The following PRKN variants were observed in gnomAD, a reference collection of about 807,000 sequenced individuals.
PRKN encodes E3 ubiquitin-protein ligase parkin.
In PRKN, 56 loss-of-function variants were observed where a neutral mutation model predicts 59.5. That is an observed-to-expected ratio of 0.94 (90% CI 0.76 to 1.18). The LOEUF (loss-of-function observed/expected upper bound fraction) is 1.18. Ranked by LOEUF, PRKN falls within the 50% of genes most tolerant of loss-of-function variation. The pLI is 0.00. For missense variants in PRKN, 657 were observed against 596.4 expected (o/e 1.10, Z -1.06); for synonymous variants, 250 against 222.1 (o/e 1.13, Z -1.12).
chr6:162,329,509 G>T (rs549933140), intron 2 of PRKN, among the ~76,000 whole-genome samples: 2 of 152,130 alleles, frequency 1.3e-5, no homozygotes, highest in Non-Finnish European at 2.9e-5. Context: ...TGAGCATCAG[G>T]TCTGGCCTTG....
intron 6 of PRKN, among the ~76,000 whole-genome samples, chr6:161,963,232 C>A (rs745796800): frequency 1.3e-5 from 2 of 152,178 alleles, no homozygotes; most frequent in Non-Finnish European, 1.5e-5. Context: ...AGTTACAACA[C>A]GCAAGGTTGA....
intron 8 of PRKN, among the ~76,000 whole-genome samples, chr6:161,568,441 A>T (rs1200223732): frequency 2.0e-5 from 3 of 152,114 alleles, no homozygotes; most frequent in African/African-American, 7.2e-5. Context: ...AAAATATAAA[A>T]AATTAGCTGG....
chr6:162,159,130 A>G (rs1782650543), intron 4 of PRKN, among the ~76,000 whole-genome samples: 2 of 151,810 alleles, frequency 1.3e-5, no homozygotes, highest in Admixed American at 6.5e-5. Flanking sequence ...TGATTTGCTT[A>G]CCTTTAGGCC....
intron 3 of PRKN, among the ~76,000 whole-genome samples, chr6:162,256,419 G>A (rs1779641553): frequency 6.6e-6 from 1 of 152,134 alleles, no homozygotes; most frequent in South Asian, 2.1e-4. Context: ...TGAAAAGAGT[G>A]TATTACAGAC....
intron 7 of PRKN, among the ~76,000 whole-genome samples, chr6:161,647,265 A>G (rs1052243844): frequency 2.0e-5 from 3 of 152,218 alleles, no homozygotes; most frequent in African/African-American, 7.2e-5. Context: ...TCTGAACAGT[A>G]TGCAGAACAT....
chr6:161,856,401 C>T (rs6905082), intron 6 of PRKN, among the ~76,000 whole-genome samples: 1 of 151,462 alleles, frequency 6.6e-6, no homozygotes, highest in East Asian at 1.9e-4. Context: ...TGAAAATGAA[C>T]TGCTTCTTCT....
At chr6:162,461,927 T>C (rs1362772803) in intron 1 of PRKN, among the ~76,000 whole-genome samples, 1 of 151,928 alleles carries the variant, frequency 6.6e-6, no homozygotes, top group African/African-American at 2.4e-5. Context: ...GAAAAATAAG[T>C]AGGGGATTTC....
At chr6:161,351,983 A>T (rs981101476) in intron 11 of PRKN, among the ~76,000 whole-genome samples, 3 of 152,176 alleles carry the variant, frequency 2.0e-5, no homozygotes, top group Non-Finnish European at 4.4e-5. Context: ...TCTGGAGTGC[A>T]CACAGCCCTG....
chr6:161,820,034 T>C lies in PRKN; in HGVS notation c.735-34126A>G, dbSNP rs141621987. Among the ~76,000 whole-genome samples, 376 of 152,282 alleles carry C rather than the reference T, an allele frequency of 2.5e-3. 2 individuals carry two copies. Among genetic ancestry groups the C allele is most frequent in the African/African-American group, 8.7e-3 (360 of 41,568 alleles). On this transcript the variant is annotated intron_variant, in intron 6 of 11. Transcript: ENST00000366898. ...CTCTTACAATTTAGTAAAAACATGC[T>C]ATTATCAAGCCACAGAAAATAGGCC...
intron 2 of PRKN, among the ~76,000 whole-genome samples, chr6:162,311,473 T>G (rs1257835906): frequency 6.7e-6 from 1 of 149,390 alleles, no homozygotes; most frequent in South Asian, 2.1e-4. Flanking sequence ...GTAATAATAA[T>G]TTTTTTCCTT....
At chr6:161,522,975 T>A (rs1325187289) in intron 9 of PRKN, among the ~76,000 whole-genome samples, 1 of 152,206 alleles carries the variant, frequency 6.6e-6, no homozygotes, top group Non-Finnish European at 1.5e-5. Flanking sequence ...TACTTATCTA[T>A]CTTTGATGCT....
In PRKN at chr6:161,497,595, A is replaced by C. The variant is rs916893494; in HGVS notation, c.1083+51259T>G. Among the ~76,000 whole-genome samples, 11 of 151,990 alleles carry C rather than the reference A, an allele frequency of 7.2e-5. No homozygotes were observed. Among genetic ancestry groups the C allele is most frequent in the Non-Finnish European group, 1.3e-4 (9 of 67,990 alleles). ...CTCTCTCTCACACACACACACACACACACCATATCCCACTTACAGACTGAA... is the reference window on the plus strand; with the variant it reads ...CTCTCTCTCACACACACACACACACCCACCATATCCCACTTACAGACTGAA... On this transcript the variant is annotated intron_variant, in intron 9 of 11. Transcript: ENST00000366898. This position sits in a 1 kb window ranked among gnomAD's most constrained non-coding sequence, Gnocchi z 4.6.
chr6:161,767,050 G>A (rs1408411172), intron 7 of PRKN, among the ~76,000 whole-genome samples: 1 of 152,144 alleles, frequency 6.6e-6, no homozygotes, highest in East Asian at 1.9e-4. Flanking sequence ...AAAGTAACGT[G>A]ACCAAAATAA....
chr6:162,536,368 T>A (rs367597218), intron 1 of PRKN, among the ~76,000 whole-genome samples: 1 of 152,314 alleles, frequency 6.6e-6, no homozygotes, highest in East Asian at 1.9e-4. Context: ...GGAAGTATTC[T>A]GCACAGACCA....
intron 10 of PRKN, among the ~76,000 whole-genome samples, chr6:161,367,151 C>T (rs1332601314): frequency 2.0e-5 from 3 of 151,850 alleles, no homozygotes; most frequent in Middle Eastern, 3.4e-3. Flanking sequence ...CCACCACGCC[C>T]GGCTAATTTT....
chr6:162,664,207 T>C (rs929179306), intron 1 of PRKN, among the ~76,000 whole-genome samples: 1 of 152,182 alleles, frequency 6.6e-6, no homozygotes, highest in Admixed American at 6.5e-5. Flanking sequence ...TCCATGTCCC[T>C]GCAAAGGACA....
At chr6:161,769,886 C>T (rs1388901281) in intron 7 of PRKN, among the ~76,000 whole-genome samples, 1 of 152,130 alleles carries the variant, frequency 6.6e-6, no homozygotes, top group Non-Finnish European at 1.5e-5. Flanking sequence ...GTGTGAGCCA[C>T]TGATTACATT....
At chr6:161,608,212 T>C (rs1216088544) in intron 7 of PRKN, among the ~76,000 whole-genome samples, 1 of 152,172 alleles carries the variant, frequency 6.6e-6, no homozygotes, top group African/African-American at 2.4e-5. Flanking sequence ...TTCGTGATTA[T>C]ACTAAGAGAT....
chr6:161,684,644 T>C (rs1466371474), intron 7 of PRKN, among the ~76,000 whole-genome samples: 1 of 152,184 alleles, frequency 6.6e-6, no homozygotes, highest in Non-Finnish European at 1.5e-5. Flanking sequence ...CTGGAAATAA[T>C]GACCATTCTA....
Sources: allele counts gnomAD v4.1 joint callset (sites outside exome capture counted in the v4.1 genomes callset), GRCh38; gene constraint gnomAD v4.1.1; non-coding constraint Gnocchi (gnomAD v3.1); transcripts MANE v1.5; gene names NCBI Gene and HGNC (gene_info 2026-07-23, HGNC 2026-07-21).